SCAF8: variants seen among roughly 807,000 people sequenced by gnomAD.
SCAF8 encodes SR-related CTD associated factor 8.
In SCAF8, 23 loss-of-function variants were observed where a neutral mutation model predicts 140.5. That is an observed-to-expected ratio of 0.16 (90% CI 0.12 to 0.23). The LOEUF (loss-of-function observed/expected upper bound fraction) is 0.23. SCAF8 is among the 10% of genes least tolerant of loss of function. The pLI is 1.00. For missense variants in SCAF8, 1,397 were observed against 1,555.7 expected, an observed-to-expected ratio of 0.90 and a Z score of 1.72; for synonymous variants, 575 against 528.9, an observed-to-expected ratio of 1.09 and a Z score of -1.20.
Position 154,800,175 on chromosome 6 carries a change from T to TA in SCAF8, c.607-1795dup, listed in dbSNP as rs1421570905. Reference sequence around the variant, plus strand: ...TCTGCTTACTTCCTTCCTTAGCACTTACTACCTTCTGTTATGTTATATAAT... The same window carrying TA: ...TCTGCTTACTTCCTTCCTTAGCACTTAACTACCTTCTGTTATGTTATATAAT... On this transcript the variant is annotated intron_variant, in intron 6 of 19. Transcript: ENST00000367178. Among the ~76,000 whole-genome samples the TA allele has an allele frequency of 2.6e-5, 4 of 151,484 alleles. 1 individual carries two copies. The highest frequency in any genetic ancestry group is 4.8e-5 in the African/African-American group (2 of 41,392).
At position 154,802,054 on chromosome 6, in the gene SCAF8, T is replaced by G. The variant is rs777801547; in HGVS notation, c.690T>G (p.Val230=). The change falls in exon 7 of 20, where the codon GTT becomes GTG. Residue 230 remains valine (V), a synonymous_variant. Transcript: ENST00000367178. Reference sequence around the variant, plus strand: ...TGCAGGCCCTAGATGCTGGTCTTGTTGTTCAGTTGCAAGCTCTTACGGCAC... The same window carrying G: ...TGCAGGCCCTAGATGCTGGTCTTGTGGTTCAGTTGCAAGCTCTTACGGCAC... ...SILQALDAGL[V]VQLQALTAQL... 1 of 1,613,596 alleles carries G rather than the reference T, an allele frequency of 6.2e-7. No homozygotes were observed. The highest frequency in any genetic ancestry group is 8.5e-7 in the Non-Finnish European group (1 of 1,179,662).
intron 3 of SCAF8, among the ~76,000 whole-genome samples, chr6:154,781,080 G>A (rs1181540730): frequency 6.6e-6 from 1 of 152,084 alleles, no homozygotes; most frequent in Non-Finnish European, 1.5e-5. Flanking sequence ...TGGTGTGAGA[G>A]TTTATCTCGT....
Position 154,777,949 on chromosome 6 carries a change from C to G in SCAF8, c.115-52C>G. On this transcript the variant is annotated intron_variant, in intron 2 of 19. Transcript: ENST00000367178. Reference sequence around the variant, plus strand: ...AAAACCTATGGTTAGCAGGAAATTTCAATCTCCTCAAACTGATTTTAAAAC... The same window carrying G: ...AAAACCTATGGTTAGCAGGAAATTTGAATCTCCTCAAACTGATTTTAAAAC... The G allele has an allele frequency of 3.5e-6, 4 of 1,143,496 alleles. 1 individual carries two copies. The South Asian group carries it at 5.2e-5, about 15-fold the overall frequency. The allele number at this position is 1,143,496 out of a possible 1,614,324, so 70.8% of individuals were successfully genotyped here. A position where few individuals can be genotyped will look rare whatever the true frequency, so the allele number is the denominator to read the frequency against.
At position 154,824,244 on chromosome 6, in the gene SCAF8, C is replaced by T. The variant is rs148306012; in HGVS notation, c.1937C>T (p.Ala646Val). The change falls in exon 17 of 20, where the codon GCG becomes GTG. Residue 646 changes from alanine (A) to valine (V), a missense_variant. By Grantham distance (64) the Ala-to-Val change is moderately conservative. This residue lies in a region of SCAF8 where 930 missense variants were observed against 874.6 expected (regional missense o/e 1.06). Transcript: ENST00000367178. ...GTCTATCCACAAAAGATTCCAGTGG[C>T]GCCAGCCGTGCCTACAGTTAGTTTA... ...PPVAMLQIPV[A>V]PAVPTVSLVP... The T allele has an allele frequency of 1.4e-5, 23 of 1,613,712 alleles. No homozygotes were observed. The Middle Eastern group carries it at 5.0e-4, about 35-fold the overall frequency.
At chr6:154,776,356 CTG>C (rs1776918828) in intron 2 of SCAF8, among the ~76,000 whole-genome samples, 2 of 151,862 alleles carry the variant, frequency 1.3e-5, no homozygotes, top group South Asian at 4.1e-4. Flanking sequence ...TTAAATGATA[CTG>C]TGTTTCATAT....
At chr6:154,743,541 G>A (rs7761794) in intron 1 of SCAF8, among the ~76,000 whole-genome samples, 93,281 of 152,082 alleles carry the variant, frequency 0.61, 31,644 homozygotes, top group East Asian at 0.91. Context: ...TGTCCTTTTT[G>A]TAAATATTTT....
At chr6:154,737,346 G>A (rs772132327) in intron 1 of SCAF8, among the ~76,000 whole-genome samples, 4 of 152,136 alleles carry the variant, frequency 2.6e-5, no homozygotes, top group East Asian at 1.9e-4. Context: ...AATCAGGAAC[G>A]TTTGTCAACA....
At chr6:154,785,190 C>G (rs1777216495) in intron 3 of SCAF8, among the ~76,000 whole-genome samples, 1 of 152,172 alleles carries the variant, frequency 6.6e-6, no homozygotes, top group Admixed American at 6.5e-5. Flanking sequence ...TCATTACTAT[C>G]TGTTGCTGTA....
chr6:154,748,798 T>C (rs903313113), intron 1 of SCAF8, among the ~76,000 whole-genome samples: 2 of 152,240 alleles, frequency 1.3e-5, no homozygotes, highest in African/African-American at 2.4e-5. Flanking sequence ...AGGAGTTGTT[T>C]AGAGGCTGCA....
rs147916862 is a variant in SCAF8 at position 154,785,414 on chromosome 6, A to C, written c.160-2447A>C. 9.7e-3 allele frequency among the ~76,000 whole-genome samples: 1,483 copies of C among 152,324 alleles called. 29 individuals carry two copies. The highest frequency in any genetic ancestry group is 0.034 in the African/African-American group (1,406 of 41,564). ...CTTCACCATGGCTAGATAATACTAA[A>C]TTAGTTTTATAATGATTGTACTGAT... is the stretch of plus-strand genomic sequence containing the variant. On this transcript the variant is annotated intron_variant, in intron 3 of 19. Coordinates refer to ENST00000367178, the MANE Select transcript of SCAF8 (RefSeq NM_014892.5).
chr6:154,805,195 T>G (rs1049807147), intron 8 of SCAF8, among the ~76,000 whole-genome samples, 174 bp from the exon 9 acceptor site: 1 of 89,932 alleles, frequency 1.1e-5, no homozygotes, highest in African/African-American at 1.0e-4. Flanking sequence ...TGTATTTTTC[T>G]TTTAATAATT....
At chr6:154,783,453 A>T (rs1777143999) in intron 3 of SCAF8, among the ~76,000 whole-genome samples, 1 of 152,198 alleles carries the variant, frequency 6.6e-6, no homozygotes, top group Admixed American at 6.5e-5. Flanking sequence ...TATTGCCTTA[A>T]TCTGTAAGCT....
chr6:154,816,492 C>T (rs140085917), intron 13 of SCAF8, among the ~76,000 whole-genome samples: 2 of 139,394 alleles, frequency 1.4e-5, no homozygotes. Flanking sequence ...TTTAATTGTT[C>T]TTTTATTTAA....
chr6:154,792,118 G>A (rs955132475), intron 4 of SCAF8, among the ~76,000 whole-genome samples: 2 of 152,078 alleles, frequency 1.3e-5, no homozygotes, highest in Non-Finnish European at 2.9e-5. Flanking sequence ...GCCAGATTAA[G>A]TAATGCCAGT....
rs759817792 is a variant in SCAF8 at position 154,824,351 on chromosome 6, A to G, written c.2044A>G (p.Ser682Gly). The G allele has an allele frequency of 2.5e-6, 4 of 1,613,870 alleles. No homozygotes were observed. The change falls in exon 17 of 20, where the codon AGT becomes GGT. Residue 682 changes from serine (S) to glycine (G), a missense_variant. Ser to Gly is a moderately conservative substitution (Grantham distance 56). Transcript: ENST00000367178. The part of the protein sequence containing the change: ...PIPPPPFLRA[S>G]FNPSQPPPGF... ...CCCTCCACCTCCTTTTTTAAGAGCA[A>G]GTTTTAACCCTTCACAACCACCACC...
In SCAF8 at chr6:154,767,445, C is replaced by T. The variant is rs184039137; in HGVS notation, c.31-6544C>T. ...ACCTGTTCAGGGAGATACTCATTCT[C>T]CTCAACGATATTCTTAAATTCTTAA... On this transcript the variant is annotated intron_variant, in intron 1 of 19. Coordinates refer to ENST00000367178, the MANE Select transcript of SCAF8 (RefSeq NM_014892.5). Among the ~76,000 whole-genome samples, 92 of 151,386 alleles carry T rather than the reference C, an allele frequency of 6.1e-4. 1 individual carries two copies. The highest frequency in any genetic ancestry group is 2.2e-3 in the African/African-American group (89 of 41,266).
At chr6:154,784,155 A>ATATATATATATTTATTTATT (rs1408182952) in intron 3 of SCAF8, among the ~76,000 whole-genome samples, 1 of 92,016 alleles carries the variant, frequency 1.1e-5, no homozygotes, top group Non-Finnish European at 2.2e-5. Flanking sequence ...ATATATATAT[A>ATATATATATATTTATTTATT]TATTTATTTA....
intron 3 of SCAF8, among the ~76,000 whole-genome samples, chr6:154,786,089 G>A (rs897320272): frequency 3.3e-5 from 5 of 152,182 alleles, no homozygotes; most frequent in Non-Finnish European, 1.5e-5. Flanking sequence ...ACGCAAAGCC[G>A]GCTGTGCAGG....
chr6:154,748,638 T>C (rs570481378), intron 1 of SCAF8, among the ~76,000 whole-genome samples: 2 of 152,228 alleles, frequency 1.3e-5, no homozygotes, highest in African/African-American at 2.4e-5. Context: ...GTTTAATTTT[T>C]ATAGCAATTT....
Sources: gnomAD v4.1 joint callset for allele counts (sites outside exome capture counted in the v4.1 genomes callset) on GRCh38, gnomAD v4.1.1 for gene constraint, gnomAD v4.1.1 regional missense constraint, MANE v1.5 for transcripts, NCBI Gene and HGNC (gene_info 2026-07-23, HGNC 2026-07-21) for gene names.